STAC: variants seen among roughly 807,000 people sequenced by gnomAD.
STAC encodes SH3 and cysteine-rich domain-containing protein.
In STAC, 43 loss-of-function variants were observed where a neutral mutation model predicts 48.8. The observed-to-expected ratio is 0.88, with a 90% confidence interval of 0.69 to 1.14. The LOEUF is 1.14. Ranked by LOEUF, STAC falls within the 50% of genes most tolerant of loss-of-function variation. The pLI, the probability that STAC is intolerant of heterozygous loss-of-function variation, is 0.00. For synonymous variants in STAC, 193 were observed against 179.5 expected, an observed-to-expected ratio of 1.07 and a Z score of -0.60; for missense variants, 497 against 504.0, an observed-to-expected ratio of 0.99 and a Z score of 0.13.
intron 2 of STAC, among the ~76,000 whole-genome samples, chr3:36,462,149 T>C (rs955607915): frequency 1.3e-5 from 2 of 152,150 alleles, no homozygotes; most frequent in African/African-American, 4.8e-5. Context: ...GTTGGCTGTA[T>C]GGGAAAAATA....
chr3:36,527,891 A>G lies in STAC; in HGVS notation c.921-805A>G, dbSNP rs553196240. 2.8e-4 allele frequency among the ~76,000 whole-genome samples: 43 copies of G among 152,300 alleles called. No homozygotes were observed. In the South Asian group the frequency reaches 7.9e-3, roughly 28 times the overall value. On this transcript the variant is annotated intron_variant, in intron 8 of 10. Coordinates refer to ENST00000273183, the MANE Select transcript of STAC (RefSeq NM_003149.3). ...TCTAGTACAAAACTCCAATTACACCAGCATAAAAGATGGCAGACAGGAAAA... is the reference window on the plus strand; with the variant it reads ...TCTAGTACAAAACTCCAATTACACCGGCATAAAAGATGGCAGACAGGAAAA...
chr3:36,469,507 G>A (rs1180883492), intron 2 of STAC, among the ~76,000 whole-genome samples: 1 of 149,002 alleles, frequency 6.7e-6, no homozygotes, highest in Non-Finnish European at 1.5e-5. Flanking sequence ...TTTGACTCAA[G>A]GATTCTTTCC....
chr3:36,428,557 A>G (rs1167166548), intron 1 of STAC, among the ~76,000 whole-genome samples: 1 of 152,202 alleles, frequency 6.6e-6, no homozygotes. Flanking sequence ...AGTGCTCTGA[A>G]GAGGAAATGG....
At chr3:36,493,014 C>G (rs1200951739) in intron 5 of STAC, 137 bp from the exon 6 acceptor site, 4 of 729,912 alleles carry the variant, frequency 5.5e-6, no homozygotes, top group Admixed American at 2.4e-5. Context: ...TGAAGTTAGC[C>G]AAACAGCCAA....
chr3:36,435,712 T>C (rs1450081678), intron 1 of STAC, among the ~76,000 whole-genome samples: 1 of 152,174 alleles, frequency 6.6e-6, no homozygotes, highest in Non-Finnish European at 1.5e-5. Context: ...AATCTACTAT[T>C]ATTAAGGTCC....
At chr3:36,455,135 A>C (rs1040386798) in intron 2 of STAC, among the ~76,000 whole-genome samples, 4 of 152,192 alleles carry the variant, frequency 2.6e-5, no homozygotes, top group African/African-American at 9.7e-5. Context: ...CCTAGAGTTC[A>C]CCAAATTGAC....
At chr3:36,475,021 A>G (rs1476432332) in intron 2 of STAC, among the ~76,000 whole-genome samples, 2 of 151,950 alleles carry the variant, frequency 1.3e-5, no homozygotes, top group Non-Finnish European at 2.9e-5. Flanking sequence ...GCGCGCGCGC[A>G]CGCATGTGTG....
At chr3:36,517,362 A>C (rs1698697914) in intron 8 of STAC, among the ~76,000 whole-genome samples, 1 of 152,232 alleles carries the variant, frequency 6.6e-6, no homozygotes, top group South Asian at 2.1e-4. Context: ...GCTGCTAAAA[A>C]TACATGGCCA....
chr3:36,469,886 AT>A (rs980388608), intron 2 of STAC, among the ~76,000 whole-genome samples: 2 of 151,830 alleles, frequency 1.3e-5, no homozygotes, highest in South Asian at 2.1e-4. Flanking sequence ...TGCATTTTGC[AT>A]TTTTTTAAGT....
chr3:36,483,345 C>T (rs1360843019), intron 3 of STAC, among the ~76,000 whole-genome samples: 1 of 152,226 alleles, frequency 6.6e-6, no homozygotes, highest in Non-Finnish European at 1.5e-5. Flanking sequence ...CAGGTTGGCA[C>T]TTTCTCAGTT....
At position 36,443,431 on chromosome 3, in the gene STAC, T is replaced by A. The variant is rs1261944579; in HGVS notation, c.179T>A (p.Phe60Tyr). The A allele has an allele frequency of 1.9e-6, 3 of 1,614,104 alleles. No homozygotes were observed. The highest frequency in any genetic ancestry group is 2.5e-6 in the Non-Finnish European group (3 of 1,180,054). ...KSLRSKSADNFFQRTNSEDMK... is the reference protein window; with the variant it reads ...KSLRSKSADNYFQRTNSEDMK... ...TTACGGAGCAAAAGTGCTGACAACT[T>A]CTTCCAGCGAACCAACAGCGAAGAC... The change falls in exon 2 of 11, where the codon TTC (phenylalanine) becomes TAC (tyrosine). Residue 60 changes from phenylalanine (F) to tyrosine (Y), a missense_variant. Phe to Tyr is a conservative substitution (Grantham distance 22, BLOSUM62 3). Coordinates refer to ENST00000273183, the MANE Select transcript of STAC (RefSeq NM_003149.3). This position sits in a 1 kb window ranked among gnomAD's most constrained non-coding sequence, Gnocchi z 4.2.
intron 2 of STAC, 53 bp from the exon 3 acceptor site, chr3:36,482,939 C>A: frequency 7.8e-7 from 1 of 1,275,968 alleles, no homozygotes; most frequent in Non-Finnish European, 1.1e-6. Context: ...TTAGACTAAT[C>A]AGCAGGAAAT....
intron 1 of STAC, among the ~76,000 whole-genome samples, chr3:36,404,223 C>T (rs1423003417): frequency 6.6e-6 from 1 of 152,114 alleles, no homozygotes. Flanking sequence ...GTCAATCACC[C>T]TAAATAAATA....
chr3:36,485,054 C>T lies in STAC; in HGVS notation c.567C>T (p.Pro189=), dbSNP rs747606645. The T allele has an allele frequency of 3.7e-6, 6 of 1,602,390 alleles. No individual in the cohort carries two copies. The East Asian group carries it at 1.1e-4, about 30-fold the overall frequency. The change falls in exon 4 of 11, where the codon CCC becomes CCT. Residue 189 remains proline, a synonymous_variant. Coordinates refer to ENST00000273183, the MANE Select transcript of STAC (RefSeq NM_003149.3). ...TTGGCTGCATTAAAGAAGTTATGCCCATTGGTGAGTTGGGACATTGATGGG... is the reference window on the plus strand; with the variant it reads ...TTGGCTGCATTAAAGAAGTTATGCCTATTGGTGAGTTGGGACATTGATGGG... The part of the protein sequence containing the change: ...EQFGCIKEVM[P]IACGNKVDPV...
At position 36,475,475 on chromosome 3, in the gene STAC, A is replaced by C. The variant is rs139888181; in HGVS notation, c.389-7517A>C. 6.5e-3 allele frequency among the ~76,000 whole-genome samples: 997 copies of C among 152,312 alleles called. 6 individuals are homozygous for C. Among genetic ancestry groups the C allele is most frequent in the Middle Eastern group, 0.041 (12 of 294 alleles). On this transcript the variant is annotated intron_variant, in intron 2 of 10. Transcript: ENST00000273183. ...TTGCATTGAATCACTACATGAAACT[A>C]TGGCTAAATTGTTATGCTTCCACAC...
chr3:36,382,129 T>A (rs1360441728), intron 1 of STAC, among the ~76,000 whole-genome samples: 1 of 152,184 alleles, frequency 6.6e-6, no homozygotes, highest in Non-Finnish European at 1.5e-5. Flanking sequence ...CCCATACACA[T>A]GCACTACCTC....
chr3:36,404,972 T>G (rs527795554), intron 1 of STAC, among the ~76,000 whole-genome samples: 1 of 152,326 alleles, frequency 6.6e-6, no homozygotes, highest in South Asian at 2.1e-4. Flanking sequence ...GTCATCACTT[T>G]AAATGGCAAA....
intron 1 of STAC, among the ~76,000 whole-genome samples, chr3:36,423,534 G>A (rs528471177): frequency 1.7e-4 from 26 of 151,690 alleles, no homozygotes; most frequent in South Asian, 2.1e-4. Context: ...TATTAGATGC[G>A]TGTTTTTTAA....
chr3:36,443,281 G>C lies in STAC; in HGVS notation c.112-83G>C. The C allele has an allele frequency of 9.3e-6, 14 of 1,501,722 alleles. No homozygotes were observed. Among genetic ancestry groups the C allele is most frequent in the Non-Finnish European group, 1.3e-5 (14 of 1,097,742 alleles). The allele number at this position is 1,501,722 out of a possible 1,614,324, so 93.0% of individuals were successfully genotyped here. On this transcript the variant is annotated intron_variant, in intron 1 of 10. Transcript: ENST00000273183. The surrounding 1 kb of genome is among the most constrained non-coding windows in gnomAD (Gnocchi z 4.2). Reference sequence around the variant, plus strand: ...AGGGTGTCAGTGGGGACTGTGTAGTGCACACAGCAGACCTTACCCCCACAG... The same window carrying C: ...AGGGTGTCAGTGGGGACTGTGTAGTCCACACAGCAGACCTTACCCCCACAG...
Sources: allele counts gnomAD v4.1 joint callset (sites outside exome capture counted in the v4.1 genomes callset), GRCh38; gene constraint gnomAD v4.1.1; non-coding constraint Gnocchi (gnomAD v3.1); transcripts MANE v1.5; gene names NCBI Gene and HGNC (gene_info 2026-07-23, HGNC 2026-07-21).